Variants in NCBP3 observed in about 807,000 individuals in gnomAD.
NCBP3 encodes nuclear cap binding subunit 3.
NCBP3 carries 20 observed loss-of-function variants against 75.7 expected under a neutral mutation model. The observed-to-expected ratio is 0.26, with a 90% CI of 0.19 to 0.38. The LOEUF is 0.38. Among genes scored for constraint, NCBP3 ranks in the 10% least tolerant of loss-of-function variants. NCBP3 has a pLI of 1.00. For synonymous variants in NCBP3, 293 were observed against 290.5 expected (o/e 1.01, Z -0.09); for missense variants, 678 against 796.9 (o/e 0.85, Z 1.80).
In NCBP3 at chr17:3,840,194, T is replaced by C; in HGVS notation, c.261A>G (p.Glu87=). The change falls in exon 3 of 13, where the codon GAA becomes GAG. Residue 87 remains glutamate, a synonymous_variant. Transcript: ENST00000389005. ...AGCGCTTGGCTCGCTGCTCTTTCTT[T>C]TCAATTGCTTCCTAGAAAGTACAGA... ...GIDVTSKEAI[E]KKEQRAKRFH... 6.4e-7 allele frequency: 1 copy of C among 1,551,580 alleles called. No homozygotes were observed. The highest frequency in any genetic ancestry group is 8.7e-7 in the Non-Finnish European group (1 of 1,146,870).
At chr17:3,823,299 C>T (rs534813673) in intron 7 of NCBP3, among the ~76,000 whole-genome samples, 12 of 152,190 alleles carry the variant, frequency 7.9e-5, no homozygotes, top group Admixed American at 2.0e-4. Context: ...GAGCCAAGAT[C>T]GCGCCACTGC....
Position 3,813,135 on chromosome 17 carries a change from G to C in NCBP3, c.1772C>G (p.Ser591Cys). The change falls in exon 13 of 13, where the codon TCT becomes TGT. Residue 591 changes from serine (S) to cysteine (C), a missense_variant. By Grantham distance (112) the Ser-to-Cys change is moderately radical. This residue lies in a region of NCBP3 where 365 missense variants were observed against 392.7 expected (regional missense o/e 0.93). Transcript: ENST00000389005. Reference sequence around the variant, plus strand: ...ATCTAACCGGCTCTTCTTTTGGCGAGACTGCTCTTTCTCCTTAATCAGAGC... The same window carrying C: ...ATCTAACCGGCTCTTCTTTTGGCGACACTGCTCTTTCTCCTTAATCAGAGC... Reference protein sequence around the residue: ...WGALIKEKEQSRQKKSRLDNL... With the variant: ...WGALIKEKEQCRQKKSRLDNL... The C allele has an allele frequency of 6.2e-7, 1 of 1,614,228 alleles. No individual in the cohort carries two copies.
In NCBP3 at chr17:3,829,710, C is replaced by A. The variant is rs145033192; in HGVS notation, c.356-342G>T. Among the ~76,000 whole-genome samples, 674 of 152,230 alleles carry A rather than the reference C, an allele frequency of 4.4e-3. 23 individuals are homozygous for A. The highest frequency in any genetic ancestry group is 0.04 in the Admixed American group (608 of 15,288). Reference sequence around the variant, plus strand: ...ATTTGTTGAAGTTAGCCAGCTGCTTCTAAAATTTTTAAATGTATGTTAAAG... The same window carrying A: ...ATTTGTTGAAGTTAGCCAGCTGCTTATAAAATTTTTAAATGTATGTTAAAG... On this transcript the variant is annotated intron_variant, in intron 3 of 12. Transcript: ENST00000389005.
intron 3 of NCBP3, among the ~76,000 whole-genome samples, chr17:3,834,336 G>A (rs2053938296): frequency 1.3e-5 from 2 of 152,224 alleles, no homozygotes; most frequent in Non-Finnish European, 2.9e-5. Context: ...CACACAGACT[G>A]TTGACAATGA....
rs536429914 is a variant in NCBP3 at position 3,807,986 on chromosome 17, T to C, written c.*5058A>G. 20 of 152,254 alleles carry C rather than the reference T, an allele frequency of 1.3e-4. No individual in the cohort carries two copies. Among genetic ancestry groups the C allele is most frequent in the African/African-American group, 4.3e-4 (18 of 41,540 alleles). 9.4% of individuals were successfully genotyped at this position (152,254 alleles called of 1,614,324 possible). ...ACATTTCGCTTAAACACAATGGTATTTGTCTGAAAAAGATTTAAAAAAAGA... is the reference window on the plus strand; with the variant it reads ...ACATTTCGCTTAAACACAATGGTATCTGTCTGAAAAAGATTTAAAAAAAGA... On this transcript the variant is annotated 3_prime_UTR_variant, in exon 13 of 13. Coordinates refer to ENST00000389005, the MANE Select transcript of NCBP3 (RefSeq NM_001114118.3).
rs551318990 is a variant in NCBP3, at chr17:3,816,358, C to G, written c.1311-88G>C. 15 of 1,192,402 alleles carry G rather than the reference C, an allele frequency of 1.3e-5. No homozygotes were observed. The South Asian group carries it at 2.3e-4, about 18-fold the overall frequency. 73.9% of individuals were successfully genotyped at this position (1,192,402 alleles called of 1,614,324 possible). A position where few individuals can be genotyped will look rare whatever the true frequency, so the allele number is the denominator to read the frequency against. On this transcript the variant is annotated intron_variant, in intron 10 of 12. Transcript: ENST00000389005. ...CAACAATCTCATACTTTGGAGGAAA[C>G]AATTTAAGAAATCCTGTCTTACATG...
chr17:3,819,491 C>T (rs1014638338), intron 9 of NCBP3, among the ~76,000 whole-genome samples: 4 of 150,772 alleles, frequency 2.7e-5, no homozygotes, highest in Admixed American at 6.6e-5. Context: ...ACCCGGGAGG[C>T]GGAGGTTGCA....
rs1260732156 is a variant in NCBP3 at position 3,811,557 on chromosome 17, A to G, written c.*1487T>C. On this transcript the variant is annotated 3_prime_UTR_variant, in exon 13 of 13. Transcript: ENST00000389005. ...CAGCTCTCAAATCTTGCAGCCCTTT[A>G]CTTCCTTTATTAATAACAGTGTTCT... is the stretch of plus-strand genomic sequence containing the variant. 6.6e-6 allele frequency: 1 copy of G among 152,244 alleles called. No homozygotes were observed. 9.4% of individuals were successfully genotyped at this position (152,244 alleles called of 1,614,324 possible). A position where few individuals can be genotyped will look rare whatever the true frequency, so the allele number is the denominator to read the frequency against.
intron 1 of NCBP3, among the ~76,000 whole-genome samples, chr17:3,843,359 C>G (rs977720113): frequency 3.9e-5 from 6 of 152,104 alleles, no homozygotes; most frequent in African/African-American, 1.2e-4. Context: ...CATCCTCCCC[C>G]TCAGCTGGGC....
chr17:3,813,404 C>T lies in NCBP3; in HGVS notation c.1628-125G>A. On this transcript the variant is annotated intron_variant, in intron 12 of 12. Transcript: ENST00000389005. ...CGCCAGCAGTCTGTGGAGCCTGCCA[C>T]CACAGTGCAGCCTTGGGCAGGCAAA... 4.2e-6 allele frequency: 5 copies of T among 1,199,282 alleles called. No homozygotes were observed. In the East Asian group the frequency reaches 1.2e-4, roughly 28 times the overall value. The allele number at this position is 1,199,282 out of a possible 1,614,324, so 74.3% of individuals were successfully genotyped here. A position where few individuals can be genotyped will look rare whatever the true frequency, so the allele number is the denominator to read the frequency against.
intron 1 of NCBP3, 46 bp downstream of exon 1, chr17:3,845,995 C>T (rs1481243821): frequency 6.5e-7 from 1 of 1,528,584 alleles, no homozygotes; most frequent in Non-Finnish European, 8.8e-7. Flanking sequence ...CGGCGCTAGA[C>T]ACTAGCCCCG....
At position 3,812,030 on chromosome 17, in the gene NCBP3, CAGAT is replaced by C. The variant is rs550713469; in HGVS notation, c.*1010_*1013del. 2.6e-4 allele frequency: 39 copies of C among 152,238 alleles called. No individual in the cohort carries two copies. The East Asian group carries it at 5.2e-3, about 20-fold the overall frequency. 9.4% of individuals were successfully genotyped at this position (152,238 alleles called of 1,614,324 possible). On this transcript the variant is annotated 3_prime_UTR_variant, in exon 13 of 13. Coordinates refer to ENST00000389005, the MANE Select transcript of NCBP3 (RefSeq NM_001114118.3). Reference sequence around the variant, plus strand: ...GATAATAAACAACAGGACCCCATCTCAGATGGATGGATTTTTTTTCCTACTGGAG... The same window carrying C: ...GATAATAAACAACAGGACCCCATCTCGGATGGATTTTTTTTCCTACTGGAG...
rs1438236366 is a variant in NCBP3 at position 3,804,169 on chromosome 17, G to A, written c.*8875C>T. ...AGCCCAGGAGTTTGAGTCCAATCTA[G>A]ACAACATAGTATGAACCTGTCTCTT... On this transcript the variant is annotated 3_prime_UTR_variant, in exon 13 of 13. Transcript: ENST00000389005. The A allele has an allele frequency of 6.6e-6, 1 of 152,204 alleles. No individual in the cohort carries two copies. Among genetic ancestry groups the A allele is most frequent in the Non-Finnish European group, 1.5e-5 (1 of 68,034 alleles). The allele number at this position is 152,204 out of a possible 1,614,324, so 9.4% of individuals were successfully genotyped here. A position where few individuals can be genotyped will look rare whatever the true frequency, so the allele number is the denominator to read the frequency against.
rs370986952 is a variant in NCBP3 at position 3,843,146 on chromosome 17, C to T, written c.189G>A (p.Thr63=). 3.0e-5 allele frequency: 47 copies of T among 1,551,300 alleles called. No homozygotes were observed. The highest frequency in any genetic ancestry group is 7.3e-5 in the East Asian group (3 of 40,934). ...CAGCCTTGTTTTCATATCTTCTGCT[C>T]GTGTCCTAACACAAAGGGGAAGGGT... ...RRSLKELIPD[T]SRRYENKAGS... The change falls in exon 2 of 13, where the codon ACG becomes ACA. Residue 63 remains threonine, a synonymous_variant. Coordinates refer to ENST00000389005, the MANE Select transcript of NCBP3 (RefSeq NM_001114118.3).
chr17:3,838,188 T>A (rs2054008323), intron 3 of NCBP3, among the ~76,000 whole-genome samples: 1 of 152,136 alleles, frequency 6.6e-6, no homozygotes, highest in Non-Finnish European at 1.5e-5. Context: ...TTCAAGTGGG[T>A]GAGCAGAGAT....
In NCBP3 at chr17:3,804,818, C is replaced by T. The variant is rs909719298; in HGVS notation, c.*8226G>A. 1 of 152,198 alleles carries T rather than the reference C, an allele frequency of 6.6e-6. No homozygotes were observed. Among genetic ancestry groups the T allele is most frequent in the Non-Finnish European group, 1.5e-5 (1 of 68,064 alleles). The allele number at this position is 152,198 out of a possible 1,614,324, so 9.4% of individuals were successfully genotyped here. A position where few individuals can be genotyped will look rare whatever the true frequency, so the allele number is the denominator to read the frequency against. On this transcript the variant is annotated 3_prime_UTR_variant, in exon 13 of 13. Transcript: ENST00000389005. ...CCTCTCAGCCACCTACAAGGTCAACCCGATTTCTCAGATAAGGATGCTGCC... is the reference window on the plus strand; with the variant it reads ...CCTCTCAGCCACCTACAAGGTCAACTCGATTTCTCAGATAAGGATGCTGCC...
chr17:3,824,109 T>C (rs2053724623), intron 7 of NCBP3: 1 of 152,154 alleles, frequency 6.6e-6, no homozygotes, highest in African/African-American at 2.4e-5. Context: ...GGGGAATATA[T>C]AAAGGACATT....
intron 1 of NCBP3, 94 bp downstream of exon 1, chr17:3,845,947 C>A: frequency 7.2e-7 from 1 of 1,388,034 alleles, no homozygotes; most frequent in Non-Finnish European, 9.7e-7. Context: ...TTGACTTCCC[C>A]GGCTGGGGCT....
chr17:3,832,150 C>T (rs1473064735), intron 3 of NCBP3, among the ~76,000 whole-genome samples: 1 of 104,646 alleles, frequency 9.6e-6, no homozygotes, highest in Admixed American at 1.0e-4. Context: ...TGCCATTGCA[C>T]TCCAGACTGG....
Sources: gnomAD v4.1 joint callset for allele counts (sites outside exome capture counted in the v4.1 genomes callset) on GRCh38, gnomAD v4.1.1 for gene constraint, gnomAD v4.1.1 regional missense constraint, MANE v1.5 for transcripts, NCBI Gene and HGNC (gene_info 2026-07-23, HGNC 2026-07-21) for gene names.